The following ATP8A2 variants were observed in gnomAD, a reference collection of about 807,000 sequenced individuals.
The protein encoded by ATP8A2 is phospholipid-transporting ATPase IB.
Under a neutral mutation model 165.6 loss-of-function variants are expected in ATP8A2, and 100 were observed. The observed-to-expected ratio is 0.60, with a 90% CI of 0.51 to 0.71. The LOEUF (loss-of-function observed/expected upper bound fraction) is 0.71, where lower values mean the gene tolerates loss of function less well. ATP8A2 is among the 30% of genes least tolerant of loss of function. ATP8A2 has a pLI of 0.00. For missense variants in ATP8A2, 1,227 were observed against 1,479.5 expected (o/e 0.83, Z 2.80); for synonymous variants, 543 against 548.8 (o/e 0.99, Z 0.15).
At chr13:25,896,069 A>C (rs1224041183) in intron 33 of ATP8A2, among the ~76,000 whole-genome samples, 2 of 152,014 alleles carry the variant, frequency 1.3e-5, no homozygotes, top group South Asian at 2.1e-4. Context: ...TTCTTGCCTT[A>C]TGCTAGCTTT....
intron 35 of ATP8A2, among the ~76,000 whole-genome samples, chr13:26,001,624 A>G (rs575649133): frequency 9.2e-5 from 14 of 152,292 alleles, no homozygotes; most frequent in African/African-American, 3.4e-4. Flanking sequence ...CTAATGACTA[A>G]TGATACTGAT....
At chr13:25,716,396 A>T (rs2043256089) in intron 25 of ATP8A2, among the ~76,000 whole-genome samples, 1 of 152,178 alleles carries the variant, frequency 6.6e-6, no homozygotes, top group Admixed American at 6.5e-5. Context: ...CCATTGTCTA[A>T]TCTGAGATCA....
At chr13:25,417,302 A>T (rs2034159832) in intron 1 of ATP8A2, among the ~76,000 whole-genome samples, 1 of 151,424 alleles carries the variant, frequency 6.6e-6, no homozygotes, top group East Asian at 1.9e-4. Flanking sequence ...GATCCTAACT[A>T]CCCAGGAATG....
intron 1 of ATP8A2, among the ~76,000 whole-genome samples, chr13:25,417,693 G>A (rs1243211122): frequency 6.6e-6 from 1 of 152,186 alleles, no homozygotes; most frequent in Non-Finnish European, 1.5e-5. Flanking sequence ...TTGGGGTGGA[G>A]CCCAGGAATC....
chr13:25,675,553 T>C (rs2137775574), intron 24 of ATP8A2, among the ~76,000 whole-genome samples: 1 of 152,314 alleles, frequency 6.6e-6, no homozygotes, highest in African/African-American at 2.4e-5. Context: ...TTTTGGGAAA[T>C]GGGATAACAC....
intron 1 of ATP8A2, among the ~76,000 whole-genome samples, chr13:25,411,443 C>T (rs61947564): frequency 0.025 from 3,757 of 152,282 alleles, 55 homozygotes; most frequent in Middle Eastern, 0.054. Flanking sequence ...TTCTCAGAGC[C>T]TTAATTTTCT....
At chr13:25,416,774 T>C (rs534529544) in intron 1 of ATP8A2, among the ~76,000 whole-genome samples, 2 of 152,218 alleles carry the variant, frequency 1.3e-5, no homozygotes, top group Non-Finnish European at 2.9e-5. Flanking sequence ...AAGGGTTAAC[T>C]TTATTAATAT....
chr13:25,927,695 T>G lies in ATP8A2; in HGVS notation c.3184-33880T>G, dbSNP rs550799981. Among the ~76,000 whole-genome samples, 6 of 152,362 alleles carry G rather than the reference T, an allele frequency of 3.9e-5. No homozygotes were observed. The South Asian group carries it at 1.2e-3, about 32-fold the overall frequency. The stretch of plus-strand genomic sequence containing the variant: ...ATGGTATATCCAGGCTGAATAAATC[T>G]GAACCTTAAAAAAGAATTGGCACAT... On this transcript the variant is annotated intron_variant, in intron 33 of 36. Transcript: ENST00000381655.
At chr13:25,438,609 C>A (rs1167467135) in intron 1 of ATP8A2, among the ~76,000 whole-genome samples, 2 of 151,352 alleles carry the variant, frequency 1.3e-5, no homozygotes, top group Non-Finnish European at 2.9e-5. Context: ...CCAGTGCACT[C>A]CAGCCTGGGC....
intron 25 of ATP8A2, among the ~76,000 whole-genome samples, chr13:25,768,038 A>T (rs2044528251): frequency 9.8e-6 from 1 of 102,410 alleles, no homozygotes; most frequent in Admixed American, 1.6e-4. Context: ...ATCCAGAAAA[A>T]TCTTTTACTT....
chr13:25,738,340 TCC>T (rs55875449), intron 25 of ATP8A2, among the ~76,000 whole-genome samples: 10,983 of 99,308 alleles, frequency 0.11, 1,270 homozygotes, highest in African/African-American at 0.31. Flanking sequence ...TGTGCCCCCC[TCC>T]CCCCCCCCCA....
chr13:25,531,828 A>G (rs185387642), intron 4 of ATP8A2, among the ~76,000 whole-genome samples: 52 of 152,284 alleles, frequency 3.4e-4, no homozygotes, highest in African/African-American at 1.2e-3. Context: ...CATCCCAGAG[A>G]CACCTCATTG....
At chr13:25,910,774 G>A (rs1954082179) in intron 33 of ATP8A2, among the ~76,000 whole-genome samples, 1 of 152,096 alleles carries the variant, frequency 6.6e-6, no homozygotes, top group African/African-American at 2.4e-5. Context: ...AATAACAATT[G>A]AGCTTATAAT....
chr13:25,479,067 C>G (rs571078224), intron 2 of ATP8A2, among the ~76,000 whole-genome samples: 1 of 152,188 alleles, frequency 6.6e-6, no homozygotes, highest in African/African-American at 2.4e-5. Context: ...AGGATGGTAT[C>G]GATCTCCTGA....
intron 2 of ATP8A2, among the ~76,000 whole-genome samples, chr13:25,500,557 G>C (rs1012978063): frequency 6.6e-6 from 1 of 152,082 alleles, no homozygotes; most frequent in African/African-American, 2.4e-5. Context: ...AAGACCATGA[G>C]AGTAATAACA....
intron 33 of ATP8A2, among the ~76,000 whole-genome samples, chr13:25,868,734 A>G (rs1350049223): frequency 1.3e-5 from 2 of 152,118 alleles, no homozygotes; most frequent in South Asian, 2.1e-4. Context: ...ATCCGTGTGC[A>G]TTTCCTTCCT....
At chr13:25,771,602 G>A (rs925078276) in intron 26 of ATP8A2, among the ~76,000 whole-genome samples, 3 of 152,166 alleles carry the variant, frequency 2.0e-5, no homozygotes, top group Admixed American at 6.5e-5. Flanking sequence ...TCAAAGAAGG[G>A]TGGAGCAGGG....
intron 1 of ATP8A2, among the ~76,000 whole-genome samples, chr13:25,424,406 C>G (rs1046323248): frequency 6.6e-6 from 1 of 152,122 alleles, no homozygotes; most frequent in African/African-American, 2.4e-5. Flanking sequence ...GGTTGGCGTT[C>G]CAGCCACCTT....
Position 25,672,088 on chromosome 13 carries a change from A to G in ATP8A2, c.2212-27085A>G, listed in dbSNP as rs569611174. On this transcript the variant is annotated intron_variant, in intron 24 of 36. Coordinates refer to ENST00000381655, the MANE Select transcript of ATP8A2 (RefSeq NM_016529.6). ...AGGTTCCCCAATAGAGCAGCGTACT[A>G]TTTTGCTCAGTGGGGGACACTGTAG... Among the ~76,000 whole-genome samples the G allele has an allele frequency of 1.5e-4, 23 of 152,172 alleles. No individual in the cohort carries two copies. The South Asian group carries it at 3.9e-3, about 26-fold the overall frequency.
Sources: allele counts gnomAD v4.1 joint callset (sites outside exome capture counted in the v4.1 genomes callset), GRCh38; gene constraint gnomAD v4.1.1; transcripts MANE v1.5; gene names NCBI Gene and HGNC (gene_info 2026-07-23, HGNC 2026-07-21).